AKT3: variants seen among roughly 807,000 people sequenced by gnomAD.
The protein encoded by AKT3 is AKT serine/threonine kinase 3, also known as RAC-gamma serine/threonine-protein kinase.
In AKT3, 15 loss-of-function variants were observed where a neutral mutation model predicts 65.3. That is an observed-to-expected ratio of 0.23 (90% CI 0.15 to 0.35). The LOEUF (loss-of-function observed/expected upper bound fraction) is 0.35. Among genes scored for constraint, AKT3 ranks in the 10% least tolerant of loss-of-function variants. The pLI is 1.00. For synonymous variants in AKT3, 206 were observed against 183.8 expected (o/e 1.12, Z -0.98); for missense variants, 243 against 576.5 (o/e 0.42, Z 5.92).
intron 2 of AKT3, among the ~76,000 whole-genome samples, chr1:243,727,990 AG>A (rs1687318578): frequency 6.6e-6 from 1 of 152,232 alleles, no homozygotes; most frequent in African/African-American, 2.4e-5. Context: ...AGCTTGAAGT[AG>A]TATGTTGTAG....
chr1:243,755,436 C>T (rs903843922), intron 2 of AKT3, among the ~76,000 whole-genome samples: 2 of 151,942 alleles, frequency 1.3e-5, no homozygotes, highest in Non-Finnish European at 2.9e-5. Flanking sequence ...ATGTGCAAAC[C>T]CACCTGAAGC....
At chr1:243,719,085 G>T (rs1294695843) in intron 2 of AKT3, among the ~76,000 whole-genome samples, 2 of 152,182 alleles carry the variant, frequency 1.3e-5, no homozygotes, top group Non-Finnish European at 2.9e-5. Flanking sequence ...AAGGTATGCA[G>T]TTCTATTCAT....
At chr1:243,695,236 T>C (rs541121333) in intron 3 of AKT3, among the ~76,000 whole-genome samples, 1 of 152,122 alleles carries the variant, frequency 6.6e-6, no homozygotes, top group East Asian at 1.9e-4. Flanking sequence ...GACAGGAAAC[T>C]GATTAAAGTG....
chr1:243,515,385 T>C (rs1384882783), intron 12 of AKT3, among the ~76,000 whole-genome samples: 1 of 148,596 alleles, frequency 6.7e-6, no homozygotes, highest in East Asian at 1.9e-4. Context: ...TCCTTTACCA[T>C]GTTAAAAAAA....
intron 3 of AKT3, among the ~76,000 whole-genome samples, chr1:243,684,183 G>T (rs1684120112): frequency 6.6e-6 from 1 of 151,390 alleles, no homozygotes; most frequent in African/African-American, 2.4e-5. Context: ...ATACTTTTAA[G>T]TTCTGGGGTA....
At chr1:243,623,917 A>T (rs1004042397) in intron 6 of AKT3, among the ~76,000 whole-genome samples, 4 of 152,210 alleles carry the variant, frequency 2.6e-5, no homozygotes, top group African/African-American at 7.2e-5. Flanking sequence ...CTCCACTGGA[A>T]GAAGATACCT....
intron 2 of AKT3, among the ~76,000 whole-genome samples, chr1:243,775,142 C>T (rs957240235): frequency 6.6e-6 from 1 of 152,086 alleles, no homozygotes; most frequent in African/African-American, 2.4e-5. Context: ...GCATTACAGG[C>T]GTGAGCTACC....
downstream of AKT3, among the ~76,000 whole-genome samples, chr1:243,496,393 A>G (rs3006932): frequency 0.064 from 9,743 of 152,260 alleles, 1,033 homozygotes; most frequent in African/African-American, 0.22. Flanking sequence ...CTGTCAACTC[A>G]GGGCCAGCTT....
chr1:243,752,808 A>T (rs952974998), intron 2 of AKT3, among the ~76,000 whole-genome samples: 1 of 152,206 alleles, frequency 6.6e-6, no homozygotes, highest in African/African-American at 2.4e-5. Flanking sequence ...TAGTTAGTTT[A>T]ACAGTACTAG....
At chr1:243,845,642 A>C (rs1695489354) in intron 1 of AKT3, among the ~76,000 whole-genome samples, 1 of 150,822 alleles carries the variant, frequency 6.6e-6, no homozygotes, top group Non-Finnish European at 1.5e-5. Flanking sequence ...ACAGTTGGCC[A>C]TATTTTTGTA....
intron 2 of AKT3, among the ~76,000 whole-genome samples, chr1:243,744,514 T>C (rs970166220): frequency 1.1e-4 from 17 of 151,628 alleles, no homozygotes; most frequent in South Asian, 8.3e-4. Flanking sequence ...CCGAGGCGGG[T>C]GGATCACGAG....
At chr1:243,551,012 G>C (rs1028745655) in intron 11 of AKT3, among the ~76,000 whole-genome samples, 1 of 133,950 alleles carries the variant, frequency 7.5e-6, no homozygotes, top group Admixed American at 7.5e-5. Context: ...TCTGTTTAAA[G>C]TTACCTATCA....
chr1:243,762,570 G>A (rs923362324), intron 2 of AKT3, among the ~76,000 whole-genome samples: 4 of 151,846 alleles, frequency 2.6e-5, no homozygotes, highest in East Asian at 1.9e-4. Context: ...CAAACCCTTC[G>A]TTTCAATCAT....
intron 2 of AKT3, among the ~76,000 whole-genome samples, chr1:243,765,608 T>A (rs1042243247): frequency 6.6e-6 from 1 of 152,182 alleles, no homozygotes; most frequent in East Asian, 1.9e-4. Context: ...AGTGCTAATG[T>A]CTCCTGATTC....
intron 2 of AKT3, among the ~76,000 whole-genome samples, chr1:243,803,083 G>C (rs1692474191): frequency 6.6e-6 from 1 of 152,174 alleles, no homozygotes; most frequent in South Asian, 2.1e-4. Context: ...AGGAGTTCAA[G>C]GTTGCAGTGC....
chr1:243,634,023 A>G (rs1211152460), intron 6 of AKT3, among the ~76,000 whole-genome samples: 1 of 152,104 alleles, frequency 6.6e-6, no homozygotes, highest in African/African-American at 2.4e-5. Context: ...CAAACTCTAT[A>G]AAGTCATTCC....
chr1:243,764,985 G>A (rs1689724563), intron 2 of AKT3, among the ~76,000 whole-genome samples: 1 of 151,954 alleles, frequency 6.6e-6, no homozygotes, highest in South Asian at 2.1e-4. Context: ...CTAGAATTCT[G>A]AATAATGTAA....
At chr1:243,545,390 C>A (rs554418171) in intron 12 of AKT3, 120 bp downstream of exon 12, 1 of 543,834 alleles carries the variant, frequency 1.8e-6, no homozygotes, top group Non-Finnish European at 3.1e-6. Context: ...ACTTAAATGT[C>A]GGTAAAATGG....
At chr1:243,568,071 CTTTCTACTGCGTAA>C (rs1674298975) in intron 9 of AKT3, among the ~76,000 whole-genome samples, 1 of 152,188 alleles carries the variant, frequency 6.6e-6, no homozygotes, top group Non-Finnish European at 1.5e-5. Context: ...TTTTAGGAAT[CTTTCTACTGCGTAA>C]AGGAGGAAGA....
Sources: allele counts gnomAD v4.1 joint callset (sites outside exome capture counted in the v4.1 genomes callset), GRCh38; gene constraint gnomAD v4.1.1; transcripts MANE v1.5; gene names NCBI Gene and HGNC (gene_info 2026-07-23, HGNC 2026-07-21).